CADM2: variants seen among roughly 807,000 people sequenced by gnomAD.
The protein encoded by CADM2 is immunoglobulin superfamily member 4D.
In CADM2, 12 loss-of-function variants were observed where a neutral mutation model predicts 49.8. The ratio of observed to expected loss-of-function variants is 0.24; its 90% CI spans 0.15 to 0.39. CADM2 has a LOEUF of 0.39. CADM2 is among the 10% of genes least tolerant of loss of function. The pLI, the probability that CADM2 is intolerant of heterozygous loss-of-function variation, is 1.00. For synonymous variants in CADM2, 214 were observed against 175.4 expected (o/e 1.22, Z -1.74); for missense variants, 378 against 492.3 (o/e 0.77, Z 2.20).
At chr3:85,460,802 G>T (rs62250710) in intron 1 of CADM2, among the ~76,000 whole-genome samples, 14,625 of 151,726 alleles carry the variant, frequency 0.096, 856 homozygotes, top group South Asian at 0.17. Context: ...TTGAAAGGTA[G>T]GTGAGGAAAG....
chr3:85,847,081 A>G (rs1303920799), intron 3 of CADM2, among the ~76,000 whole-genome samples: 1 of 152,118 alleles, frequency 6.6e-6, no homozygotes, highest in Non-Finnish European at 1.5e-5. Context: ...CTTCAAGGGA[A>G]CTACTGATGT....
intron 5 of CADM2, among the ~76,000 whole-genome samples, chr3:85,909,401 A>AATAT (rs59251646): frequency 0.05 from 7,421 of 147,332 alleles, 506 homozygotes; most frequent in African/African-American, 0.15. Context: ...TGTAAAATGA[A>AATAT]ATATATATAT....
At chr3:85,722,914 C>A (rs938069983) in intron 1 of CADM2, among the ~76,000 whole-genome samples, 3 of 152,086 alleles carry the variant, frequency 2.0e-5, no homozygotes, top group African/African-American at 4.8e-5. Context: ...AGACAAGTGT[C>A]TAATTTAAAA....
chr3:85,234,535 AC>A (rs2042369286), intron 1 of CADM2, among the ~76,000 whole-genome samples: 1 of 152,088 alleles, frequency 6.6e-6, no homozygotes, highest in Non-Finnish European at 1.5e-5. Context: ...AAAATATAAA[AC>A]TATCATTTTT....
rs530549878 is a variant in CADM2, at chr3:85,457,432, A to G, written c.62-269090A>G. ...TGTCTCAAGGAAAAAAAAAAAATTAAAAAGGATTTATTATGAATTTCTTAT... is the reference window on the plus strand; with the variant it reads ...TGTCTCAAGGAAAAAAAAAAAATTAGAAAGGATTTATTATGAATTTCTTAT... On this transcript the variant is annotated intron_variant, in intron 1 of 9. Transcript: ENST00000383699. Among the ~76,000 whole-genome samples, 5 of 152,238 alleles carry G rather than the reference A, an allele frequency of 3.3e-5. No individual in the cohort carries two copies. In the South Asian group the frequency reaches 1.0e-3, roughly 32 times the overall value.
At chr3:85,488,867 G>A (rs1285029187) in intron 1 of CADM2, among the ~76,000 whole-genome samples, 1 of 152,016 alleles carries the variant, frequency 6.6e-6, no homozygotes, top group Non-Finnish European at 1.5e-5. Flanking sequence ...TACCAAGTGA[G>A]GACTGAGGCT....
At chr3:85,305,133 TA>T (rs1041790800) in intron 1 of CADM2, among the ~76,000 whole-genome samples, 4 of 151,592 alleles carry the variant, frequency 2.6e-5, no homozygotes, top group African/African-American at 9.7e-5. Flanking sequence ...AAATTACTGA[TA>T]AAAAATGAAT....
chr3:85,208,318 A>G (rs2041700691), intron 1 of CADM2, among the ~76,000 whole-genome samples: 1 of 152,134 alleles, frequency 6.6e-6, no homozygotes, highest in Non-Finnish European at 1.5e-5. Flanking sequence ...TAAAAGTACA[A>G]TTGTAGGACT....
At chr3:85,968,285 G>T (rs1471609506) in intron 8 of CADM2, among the ~76,000 whole-genome samples, 2 of 151,668 alleles carry the variant, frequency 1.3e-5, no homozygotes, top group African/African-American at 4.8e-5. Flanking sequence ...GTTGAACTCT[G>T]CAGAGAGAAA....
At chr3:85,785,654 A>G (rs2070936921) in intron 2 of CADM2, among the ~76,000 whole-genome samples, 1 of 152,058 alleles carries the variant, frequency 6.6e-6, no homozygotes, top group African/African-American at 2.4e-5. Flanking sequence ...ACTCCTTGAA[A>G]TGCTTCTGAA....
intron 1 of CADM2, among the ~76,000 whole-genome samples, chr3:85,178,256 GA>G (rs2040837075): frequency 6.6e-6 from 1 of 151,766 alleles, no homozygotes; most frequent in Admixed American, 6.6e-5. Context: ...GCAGCCCAAA[GA>G]AATATGATCT....
At chr3:85,729,733 G>A (rs1283625316) in intron 2 of CADM2, among the ~76,000 whole-genome samples, 3 of 152,096 alleles carry the variant, frequency 2.0e-5, no homozygotes, top group Non-Finnish European at 1.5e-5. Context: ...TACTCTCTGG[G>A]TCTATGACAC....
intron 3 of CADM2, among the ~76,000 whole-genome samples, chr3:85,878,717 G>T (rs1247375625): frequency 6.6e-6 from 1 of 152,010 alleles, no homozygotes; most frequent in Non-Finnish European, 1.5e-5. Context: ...CATGAAAATG[G>T]TTTAAATATG....
intron 8 of CADM2, among the ~76,000 whole-genome samples, chr3:86,041,308 C>A (rs1321800618): frequency 2.0e-5 from 3 of 152,076 alleles, no homozygotes; most frequent in Admixed American, 6.6e-5. Context: ...AGAGTCAAGA[C>A]CCATCAGTGT....
intron 1 of CADM2, among the ~76,000 whole-genome samples, chr3:85,283,087 T>C (rs1401889716): frequency 6.6e-6 from 1 of 152,100 alleles, no homozygotes; most frequent in African/African-American, 2.4e-5. Flanking sequence ...TATATTGAGA[T>C]GTATATTTAC....
intron 1 of CADM2, among the ~76,000 whole-genome samples, chr3:85,337,421 T>C (rs1197772878): frequency 6.6e-6 from 1 of 151,450 alleles, no homozygotes; most frequent in Non-Finnish European, 1.5e-5. Flanking sequence ...AAACTGGTGG[T>C]ATAGAAAAAC....
chr3:85,861,808 C>T (rs2075545150), intron 3 of CADM2, among the ~76,000 whole-genome samples: 1 of 151,808 alleles, frequency 6.6e-6, no homozygotes, highest in Non-Finnish European at 1.5e-5. Flanking sequence ...GAATATTTTG[C>T]ATTTTTTATA....
Position 85,755,707 on chromosome 3 carries a change from A to G in CADM2, c.88+29159A>G, listed in dbSNP as rs150660960. On this transcript the variant is annotated intron_variant, in intron 2 of 9. Coordinates refer to ENST00000383699, the MANE Select transcript of CADM2 (RefSeq NM_001167675.2). The stretch of plus-strand genomic sequence containing the variant: ...AGCAGGAGGAAGTGAGAGAAGGGGG[A>G]GGTGCTACACACTTTTAAACAGCCA... Among the ~76,000 whole-genome samples the G allele has an allele frequency of 2.5e-3, 378 of 152,124 alleles. 2 individuals are homozygous for G. Among genetic ancestry groups the G allele is most frequent in the African/African-American group, 8.8e-3 (364 of 41,504 alleles).
At chr3:85,273,460 TCAGCATAATTG>T (rs1230851673) in intron 1 of CADM2, among the ~76,000 whole-genome samples, 2 of 151,374 alleles carry the variant, frequency 1.3e-5, no homozygotes, top group Non-Finnish European at 3.0e-5. Flanking sequence ...GTGGCTTGCA[TCAGCATAATTG>T]CAGTGGAGGC....
Sources: gnomAD v4.1 joint callset for allele counts (sites outside exome capture counted in the v4.1 genomes callset) on GRCh38, gnomAD v4.1.1 for gene constraint, MANE v1.5 for transcripts, NCBI Gene and HGNC (gene_info 2026-07-23, HGNC 2026-07-21) for gene names.